Variants in RPA1 observed in about 807,000 individuals in gnomAD.
RPA1 encodes replication protein A1.
Under a neutral mutation model 83.0 loss-of-function variants are expected in RPA1, and 49 were observed. The observed-to-expected ratio is 0.59, with a 90% CI of 0.47 to 0.75. RPA1 has a LOEUF of 0.75. Among genes scored for constraint, RPA1 ranks in the 30% least tolerant of loss-of-function variants. The pLI is 0.00. For missense variants in RPA1, 693 were observed against 776.1 expected (o/e 0.89, Z 1.27); for synonymous variants, 279 against 281.8 (o/e 0.99, Z 0.10).
At chr17:1,832,496 C>T (rs755721955) in intron 1 of RPA1, among the ~76,000 whole-genome samples, 23 of 152,038 alleles carry the variant, frequency 1.5e-4, no homozygotes, top group Non-Finnish European at 2.8e-4. Flanking sequence ...AAGCAATTCT[C>T]CTCCCTCAGC....
chr17:1,891,128 T>C (rs1011289615), intron 14 of RPA1, among the ~76,000 whole-genome samples: 3 of 152,252 alleles, frequency 2.0e-5, no homozygotes, highest in African/African-American at 7.2e-5. Flanking sequence ...CACTCGTGTT[T>C]CTACAAAGGC....
In RPA1 at chr17:1,869,683, T is replaced by C. The variant is rs1913308810; in HGVS notation, c.362-2751T>C. Among the ~76,000 whole-genome samples, 3 of 152,362 alleles carry C rather than the reference T, an allele frequency of 2.0e-5. No homozygotes were observed. The South Asian group carries it at 6.2e-4, about 32-fold the overall frequency. On this transcript the variant is annotated intron_variant, in intron 5 of 16. Coordinates refer to ENST00000254719, the MANE Select transcript of RPA1 (RefSeq NM_002945.5). Reference sequence around the variant, plus strand: ...TGCAGGTGACACAAAGCAGAAGATGTGTCAGAAGTTAAGTCTCTGCATTAC... The same window carrying C: ...TGCAGGTGACACAAAGCAGAAGATGCGTCAGAAGTTAAGTCTCTGCATTAC...
At chr17:1,894,265 G>A (rs962841728) in intron 15 of RPA1, among the ~76,000 whole-genome samples, 1 of 151,456 alleles carries the variant, frequency 6.6e-6, no homozygotes, top group African/African-American at 2.4e-5. Flanking sequence ...CTCTCAGGTC[G>A]AAGCAATTCT....
Position 1,884,622 on chromosome 17 carries a change from C to T in RPA1, c.1374+678C>T, listed in dbSNP as rs17292259. ...AGTGTAGGTTTCATTCCTCCTGTCT[C>T]ATTTCACTGTATACCCTTATCCATC... is the stretch of plus-strand genomic sequence containing the variant. On this transcript the variant is annotated intron_variant, in intron 13 of 16. Transcript: ENST00000254719. This position sits in a 1 kb window ranked among gnomAD's most constrained non-coding sequence, Gnocchi z 4.1. Among the ~76,000 whole-genome samples the T allele has an allele frequency of 7.2e-3, 1,089 of 152,278 alleles. 14 individuals carry two copies. The highest frequency in any genetic ancestry group is 0.025 in the African/African-American group (1,028 of 41,536).
At chr17:1,858,470 C>CT (rs71375561) in intron 5 of RPA1, 197,032 of 886,088 alleles carry the variant, frequency 0.22, 5,116 homozygotes, top group East Asian at 0.37. Flanking sequence ...CTCTCTTTTT[C>CT]TTTTTTTTTT....
chr17:1,851,773 A>G (rs1042488276), intron 4 of RPA1, among the ~76,000 whole-genome samples: 1 of 152,246 alleles, frequency 6.6e-6, no homozygotes, highest in Non-Finnish European at 1.5e-5. Context: ...TAGTTATTAC[A>G]GGGAATCTAG....
At chr17:1,857,675 G>A (rs1912762097) in intron 5 of RPA1, among the ~76,000 whole-genome samples, 1 of 140,672 alleles carries the variant, frequency 7.1e-6, no homozygotes, top group Admixed American at 7.7e-5. Context: ...CGTCCCCAGG[G>A]CAGAAGCCAC....
chr17:1,859,137 G>A (rs1017749926), intron 5 of RPA1, among the ~76,000 whole-genome samples: 4 of 151,822 alleles, frequency 2.6e-5, no homozygotes, highest in South Asian at 4.2e-4. Context: ...TCCTGACCTC[G>A]GATGATCTGC....
rs758283078 is a variant in RPA1, at chr17:1,898,879, A to G, written c.*1704A>G. 2.6e-5 allele frequency: 4 copies of G among 152,712 alleles called. No homozygotes were observed. The highest frequency in any genetic ancestry group is 1.3e-4 in the Admixed American group (2 of 15,296). 9.5% of individuals were successfully genotyped at this position (152,712 alleles called of 1,614,324 possible). A position where few individuals can be genotyped will look rare whatever the true frequency, so the allele number is the denominator to read the frequency against. On this transcript the variant is annotated 3_prime_UTR_variant, in exon 17 of 17. Coordinates refer to ENST00000254719, the MANE Select transcript of RPA1 (RefSeq NM_002945.5). ...ATCGACGAGAAAATTACAGTCTTCA[A>G]CCCTCTTCTGGATTGACAAATTGTG...
intron 1 of RPA1, among the ~76,000 whole-genome samples, chr17:1,835,544 CCTT>C (rs1199443210): frequency 1.3e-5 from 2 of 152,016 alleles, no homozygotes; most frequent in African/African-American, 4.8e-5. Context: ...GTGATCTCAT[CCTT>C]CTTCCACCCA....
intron 15 of RPA1, among the ~76,000 whole-genome samples, chr17:1,894,021 T>C (rs1914297084): frequency 7.3e-6 from 1 of 136,488 alleles, no homozygotes; most frequent in Admixed American, 7.9e-5. Flanking sequence ...CCACCATACC[T>C]GGCTTAAGTT....
At chr17:1,864,996 C>T (rs975116397) in intron 5 of RPA1, among the ~76,000 whole-genome samples, 2 of 152,162 alleles carry the variant, frequency 1.3e-5, no homozygotes, top group Non-Finnish European at 2.9e-5. Flanking sequence ...ATCCTGTCTT[C>T]GTTTTCCTAC....
chr17:1,897,409 G>A lies in RPA1; in HGVS notation c.*234G>A, dbSNP rs1025041278. 5.1e-5 allele frequency: 23 copies of A among 448,880 alleles called. No individual in the cohort carries two copies. Among genetic ancestry groups the A allele is most frequent in the African/African-American group, 3.3e-4 (16 of 48,952 alleles). 27.8% of individuals were successfully genotyped at this position (448,880 alleles called of 1,614,324 possible). ...CCTACGGAGTCAGCCAGTGGCTAGC[G>A]CAAGACCAGTCACTCCCTCTGCCTT... is the stretch of plus-strand genomic sequence containing the variant. On this transcript the variant is annotated 3_prime_UTR_variant, in exon 17 of 17. Transcript: ENST00000254719.
rs756981847 is a variant in RPA1, at chr17:1,897,164, G to A, written c.1840G>A (p.Ala614Thr). The change falls in exon 17 of 17, where the codon GCA (alanine) becomes ACA (threonine). Residue 614 changes from alanine to threonine, a missense_variant. Coordinates refer to ENST00000254719, the MANE Select transcript of RPA1 (RefSeq NM_002945.5). ...RRLVMSIRRS[A>T]LM ...GCTGGTCATGAGCATCAGGAGAAGT[G>A]CATTGATGTGAGAGGAGCAGTGCCA... is the stretch of plus-strand genomic sequence containing the variant. 8 of 1,555,752 alleles carry A rather than the reference G, an allele frequency of 5.1e-6. No individual in the cohort carries two copies. In the South Asian group the frequency reaches 8.3e-5, roughly 16 times the overall value.
At position 1,884,746 on chromosome 17, in the gene RPA1, G is replaced by A. The variant is rs1239422042; in HGVS notation, c.1374+802G>A. On this transcript the variant is annotated intron_variant, in intron 13 of 16. Coordinates refer to ENST00000254719, the MANE Select transcript of RPA1 (RefSeq NM_002945.5). The surrounding 1 kb of genome is among the most constrained non-coding windows in gnomAD (Gnocchi z 4.1). ...CTGTCATGGGACACCCACTCTTTCGGTTCTCTGTAATCCCAGCTACCCAGG... is the reference window on the plus strand; with the variant it reads ...CTGTCATGGGACACCCACTCTTTCGATTCTCTGTAATCCCAGCTACCCAGG... 6.6e-6 allele frequency among the ~76,000 whole-genome samples: 1 copy of A among 152,074 alleles called. No homozygotes were observed. Among genetic ancestry groups the A allele is most frequent in the East Asian group, 1.9e-4 (1 of 5,196 alleles).
chr17:1,888,220 C>T (rs917343764), intron 13 of RPA1, among the ~76,000 whole-genome samples: 13 of 152,182 alleles, frequency 8.5e-5, no homozygotes, highest in Non-Finnish European at 7.3e-5. Context: ...GGCCTAGACA[C>T]GACTGCCGTG....
At chr17:1,853,011 A>G (rs1255860793) in intron 4 of RPA1, 90 bp from the exon 5 acceptor site, 6 of 959,764 alleles carry the variant, frequency 6.3e-6, no homozygotes, top group Non-Finnish European at 1.0e-5. Flanking sequence ...ATAGTTCATC[A>G]CAATGATCAT....
chr17:1,843,870 C>T, intron 2 of RPA1, 50 bp from the exon 3 acceptor site: 1 of 1,526,558 alleles, frequency 6.6e-7, no homozygotes, highest in South Asian at 1.1e-5. Context: ...TTACGTATCC[C>T]TGGGGACGGG....
At chr17:1,858,423 G>A (rs1226978770) in intron 5 of RPA1, 13 of 1,552,888 alleles carry the variant, frequency 8.4e-6, no homozygotes, top group South Asian at 1.1e-5. Context: ...GACGACCAAC[G>A]TGTCTCAGCA....
Sources: gnomAD v4.1 joint callset for allele counts (sites outside exome capture counted in the v4.1 genomes callset) on GRCh38, gnomAD v4.1.1 for gene constraint, Gnocchi (gnomAD v3.1) non-coding constraint, MANE v1.5 for transcripts, NCBI Gene and HGNC (gene_info 2026-07-23, HGNC 2026-07-21) for gene names.